Variants in PLD5 observed in about 807,000 individuals in gnomAD.
PLD5 encodes the protein phospholipase D family member 5.
Under a neutral mutation model 61.1 loss-of-function variants are expected in PLD5, and 36 were observed. The ratio of observed to expected loss-of-function variants is 0.59; its 90% CI spans 0.45 to 0.78. The LOEUF (loss-of-function observed/expected upper bound fraction) is 0.78, where lower values mean the gene tolerates loss of function less well. PLD5 is among the 30% of genes least tolerant of loss of function. PLD5 has a pLI of 0.00. For synonymous variants in PLD5, 243 were observed against 242.8 expected (o/e 1.00, Z -0.01); for missense variants, 515 against 644.4 (o/e 0.80, Z 2.17).
intron 5 of PLD5, among the ~76,000 whole-genome samples, chr1:242,153,258 T>C (rs924141977): frequency 2.6e-5 from 4 of 152,198 alleles, no homozygotes; most frequent in Non-Finnish European, 5.9e-5. Flanking sequence ...TAGCCCTTTG[T>C]CAGATGGATA....
At chr1:242,522,518 G>A (rs1009537858) in intron 1 of PLD5, among the ~76,000 whole-genome samples, 1 of 152,178 alleles carries the variant, frequency 6.6e-6, no homozygotes, top group Non-Finnish European at 1.5e-5. Context: ...GAGAATAAAG[G>A]AAATAGACCA....
intron 1 of PLD5, among the ~76,000 whole-genome samples, chr1:242,404,588 A>G (rs1664121081): frequency 6.6e-6 from 1 of 152,048 alleles, no homozygotes; most frequent in Non-Finnish European, 1.5e-5. Flanking sequence ...TGACTTCTCC[A>G]TCCTCATAGA....
chr1:242,128,124 G>A (rs537277438), intron 5 of PLD5, among the ~76,000 whole-genome samples: 2 of 152,208 alleles, frequency 1.3e-5, no homozygotes, highest in South Asian at 2.1e-4. Flanking sequence ...GGGCAATATC[G>A]TGAGACCATG....
chr1:242,306,145 G>C (rs549861828), intron 2 of PLD5, among the ~76,000 whole-genome samples: 1 of 151,892 alleles, frequency 6.6e-6, no homozygotes, highest in African/African-American at 2.4e-5. Context: ...AACTAGCTGG[G>C]ACAAACACAT....
chr1:242,447,019 T>C (rs1666571246), intron 1 of PLD5, among the ~76,000 whole-genome samples: 1 of 152,320 alleles, frequency 6.6e-6, no homozygotes, highest in East Asian at 1.9e-4. Flanking sequence ...GGGTAGTCAT[T>C]TTAAAATATG....
chr1:242,325,643 C>G (rs1354310446), intron 2 of PLD5, among the ~76,000 whole-genome samples: 1 of 151,994 alleles, frequency 6.6e-6, no homozygotes, highest in Non-Finnish European at 1.5e-5. Flanking sequence ...TTCATGCTGG[C>G]AAGCATGGAC....
At chr1:242,487,330 C>T (rs1238367614) in intron 1 of PLD5, among the ~76,000 whole-genome samples, 2 of 151,938 alleles carry the variant, frequency 1.3e-5, no homozygotes, top group Non-Finnish European at 2.9e-5. Flanking sequence ...AATAAAACTA[C>T]CAAAAAACAA....
intron 1 of PLD5, chr1:242,365,222 G>A (rs1038846311): frequency 1.3e-5 from 2 of 152,262 alleles, no homozygotes; most frequent in Admixed American, 6.5e-5. Flanking sequence ...CACCCTGTAT[G>A]AGGTGGTGCA....
intron 2 of PLD5, among the ~76,000 whole-genome samples, chr1:242,296,512 G>A (rs1357627612): frequency 6.6e-6 from 1 of 152,168 alleles, no homozygotes; most frequent in Admixed American, 6.5e-5. Context: ...TGACTTAGAA[G>A]GTGACTCGCT....
At chr1:242,125,598 G>A (rs770656346) in intron 5 of PLD5, among the ~76,000 whole-genome samples, 5 of 152,136 alleles carry the variant, frequency 3.3e-5, no homozygotes, top group South Asian at 2.1e-4. Context: ...TGAAATTTTG[G>A]TCATTAAAGA....
At chr1:242,288,552 C>T in intron 2 of PLD5, 22 bp from the exon 3 acceptor site, 1 of 1,591,054 alleles carries the variant, frequency 6.3e-7, no homozygotes, top group Non-Finnish European at 8.5e-7. Context: ...TTTTGAAAAA[C>T]AAACAAACAA....
At chr1:242,354,938 A>G (rs999785511) in intron 1 of PLD5, among the ~76,000 whole-genome samples, 4 of 152,028 alleles carry the variant, frequency 2.6e-5, no homozygotes, top group East Asian at 1.9e-4. Context: ...TAATTTGTCA[A>G]TGTGGATATA....
At chr1:242,182,791 C>A (rs905264815) in intron 5 of PLD5, among the ~76,000 whole-genome samples, 1 of 152,080 alleles carries the variant, frequency 6.6e-6, no homozygotes, top group African/African-American at 2.4e-5. Context: ...TGCAGTGAGG[C>A]AAGATCGCGC....
chr1:242,281,091 C>T (rs935939229), intron 3 of PLD5, among the ~76,000 whole-genome samples: 5 of 152,114 alleles, frequency 3.3e-5, no homozygotes, highest in African/African-American at 1.2e-4. Flanking sequence ...CACCAGGCTG[C>T]GGGCTTCCTT....
intron 1 of PLD5, among the ~76,000 whole-genome samples, chr1:242,459,325 A>G (rs896234306): frequency 3.6e-4 from 55 of 152,228 alleles, no homozygotes; most frequent in African/African-American, 1.3e-3. Context: ...CCTCTCAAGC[A>G]CACTTACCTG....
At chr1:242,414,069 A>G (rs1664696593) in intron 1 of PLD5, among the ~76,000 whole-genome samples, 1 of 152,218 alleles carries the variant, frequency 6.6e-6, no homozygotes, top group Admixed American at 6.5e-5. Context: ...AAACGCTATT[A>G]AAATGGTCTA....
intron 2 of PLD5, among the ~76,000 whole-genome samples, chr1:242,296,519 C>T (rs922073962): frequency 2.6e-5 from 4 of 152,162 alleles, no homozygotes; most frequent in East Asian, 1.9e-4. Flanking sequence ...GAAGGTGACT[C>T]GCTACCTATG....
rs1360516731 is a variant in PLD5, at chr1:242,167,067, C to CAATAAT, written c.736-42408_736-42403dup. 1.0e-3 allele frequency among the ~76,000 whole-genome samples: 56 copies of CAATAAT among 55,240 alleles called. 1 individual carries two copies. The highest frequency in any genetic ancestry group is 1.5e-3 in the East Asian group (4 of 2,758). 36.2% of individuals were successfully genotyped at this position (55,240 alleles called of 152,430 possible). On this transcript the variant is annotated intron_variant, in intron 5 of 9. Transcript: ENST00000536534. ...CTGGTAGCCTTTTGAGAGTGAGAGA[C>CAATAAT]AATAATAATAGTAATAATAATAATA...
At chr1:242,198,879 CAT>C (rs2148950879) in intron 5 of PLD5, among the ~76,000 whole-genome samples, 1 of 152,066 alleles carries the variant, frequency 6.6e-6, no homozygotes, top group East Asian at 1.9e-4. Flanking sequence ...GGATTACAGG[CAT>C]GTGCCACCAC....
Sources: allele counts gnomAD v4.1 joint callset (sites outside exome capture counted in the v4.1 genomes callset), GRCh38; gene constraint gnomAD v4.1.1; transcripts MANE v1.5; gene names NCBI Gene and HGNC (gene_info 2026-07-23, HGNC 2026-07-21).